The following GALNT18 variants were observed in gnomAD, a reference collection of about 807,000 sequenced individuals.
The protein encoded by GALNT18 is polypeptide N-acetylgalactosaminyltransferase 18, also known as GalNAc-transferase 18.
A neutral mutation model predicts 69.5 loss-of-function variants in GALNT18; 44 were observed. That is an observed-to-expected ratio of 0.63 (90% confidence interval 0.50 to 0.81). GALNT18 has a LOEUF of 0.81. Among genes scored for constraint, GALNT18 ranks in the 40% least tolerant of loss-of-function variants. The pLI, the probability that GALNT18 is intolerant of heterozygous loss-of-function variation, is 0.00. For missense variants in GALNT18, 715 were observed against 810.0 expected (o/e 0.88, Z 1.42); for synonymous variants, 364 against 318.2 (o/e 1.14, Z -1.53).
chr11:11,283,408 A>G (rs1305594003), intron 10 of GALNT18, among the ~76,000 whole-genome samples: 3 of 152,138 alleles, frequency 2.0e-5, no homozygotes, highest in East Asian at 3.9e-4. Context: ...CAGCCTCCCA[A>G]AGTGCTGGAA....
chr11:11,461,040 G>C lies in GALNT18; in HGVS notation c.236-12104C>G, dbSNP rs760274308. On this transcript the variant is annotated intron_variant, in intron 1 of 10. Transcript: ENST00000227756. The surrounding 1 kb of genome is among the most constrained non-coding windows in gnomAD (Gnocchi z 4.1). ...AGGTGGGCTAGGACTCAGGAAGGGT[G>C]GTGGGTCCCAGCAAAAGACCAGAGT... is the stretch of plus-strand genomic sequence containing the variant. Among the ~76,000 whole-genome samples the C allele has an allele frequency of 2.0e-5, 3 of 152,200 alleles. No homozygotes were observed. The highest frequency in any genetic ancestry group is 4.8e-5 in the African/African-American group (2 of 41,452).
At chr11:11,417,906 T>C (rs1267927919) in intron 3 of GALNT18, among the ~76,000 whole-genome samples, 15 of 152,240 alleles carry the variant, frequency 9.9e-5, no homozygotes, top group Non-Finnish European at 1.5e-5. Context: ...GTATCTCCTA[T>C]GAATGTCCTT....
At chr11:11,575,143 G>A (rs894016998) in intron 1 of GALNT18, among the ~76,000 whole-genome samples, 1 of 152,118 alleles carries the variant, frequency 6.6e-6, no homozygotes, top group Admixed American at 6.5e-5. Flanking sequence ...TTCCTGGCAG[G>A]GTATGGGGCA....
chr11:11,410,868 C>A (rs1854710926), intron 3 of GALNT18, among the ~76,000 whole-genome samples: 2 of 152,318 alleles, frequency 1.3e-5, no homozygotes, highest in Middle Eastern at 3.4e-3. Context: ...GTCACTGAGA[C>A]AACATCTCTC....
chr11:11,500,795 A>G lies in GALNT18; in HGVS notation c.236-51859T>C, dbSNP rs558575328. ...GATCTCCTTTTCATGTATTTTCTGTACAAATAAAGAAGGTAAAAAGGCCGG... is the reference window on the plus strand; with the variant it reads ...GATCTCCTTTTCATGTATTTTCTGTGCAAATAAAGAAGGTAAAAAGGCCGG... On this transcript the variant is annotated intron_variant, in intron 1 of 10. Transcript: ENST00000227756. This position sits in a 1 kb window ranked among gnomAD's most constrained non-coding sequence, Gnocchi z 5.0. Among the ~76,000 whole-genome samples, 1 of 152,290 alleles carries G rather than the reference A, an allele frequency of 6.6e-6. No homozygotes were observed. The highest frequency in any genetic ancestry group is 6.5e-5 in the Admixed American group (1 of 15,298).
intron 1 of GALNT18, among the ~76,000 whole-genome samples, chr11:11,522,536 C>T (rs1212963867): frequency 6.6e-6 from 1 of 152,180 alleles, no homozygotes; most frequent in Non-Finnish European, 1.5e-5. Flanking sequence ...TCAGCTGTCC[C>T]ACCACCACTC....
intron 1 of GALNT18, among the ~76,000 whole-genome samples, chr11:11,535,404 T>C (rs1014441546): frequency 2.0e-5 from 3 of 152,244 alleles, no homozygotes; most frequent in African/African-American, 4.8e-5. Flanking sequence ...GGTGTGAAGA[T>C]TATTTGAAAT....
chr11:11,389,771 C>T lies in GALNT18; in HGVS notation c.596-10507G>A, dbSNP rs1396021719. Among the ~76,000 whole-genome samples the T allele has an allele frequency of 6.6e-6, 1 of 152,134 alleles. No individual in the cohort carries two copies. Among genetic ancestry groups the T allele is most frequent in the Non-Finnish European group, 1.5e-5 (1 of 68,022 alleles). On this transcript the variant is annotated intron_variant, in intron 3 of 10. Coordinates refer to ENST00000227756, the MANE Select transcript of GALNT18 (RefSeq NM_198516.3). This position sits in a 1 kb window ranked among gnomAD's most constrained non-coding sequence, Gnocchi z 4.3. Reference sequence around the variant, plus strand: ...TAGCAGGTGATATCAGAGCTGAGAACAAGCTGTGTGGACGTCCCACTGTGC... The same window carrying T: ...TAGCAGGTGATATCAGAGCTGAGAATAAGCTGTGTGGACGTCCCACTGTGC...
intron 1 of GALNT18, among the ~76,000 whole-genome samples, chr11:11,525,961 C>A (rs1400055844): frequency 1.3e-5 from 2 of 152,088 alleles, no homozygotes; most frequent in Non-Finnish European, 2.9e-5. Flanking sequence ...GGTGTCACTG[C>A]AACATGCTAA....
chr11:11,467,219 C>A lies in GALNT18; in HGVS notation c.236-18283G>T, dbSNP rs78188042. ...GTTCTGCTGTCTCTCCACACTGACA[C>A]GCAGAAGCCACACTGAGGATCAGGG... On this transcript the variant is annotated intron_variant, in intron 1 of 10. Transcript: ENST00000227756. 2.6e-5 allele frequency among the ~76,000 whole-genome samples: 4 copies of A among 152,076 alleles called. No individual in the cohort carries two copies. In the South Asian group the frequency reaches 6.2e-4, roughly 24 times the overall value.
intron 8 of GALNT18, among the ~76,000 whole-genome samples, chr11:11,331,944 C>T (rs1428117589): frequency 1.3e-5 from 2 of 152,086 alleles, no homozygotes; most frequent in African/African-American, 2.4e-5. Context: ...TTATCATATT[C>T]GAAGTATTTT....
intron 1 of GALNT18, among the ~76,000 whole-genome samples, chr11:11,529,030 G>A (rs188068194): frequency 2.9e-4 from 44 of 152,316 alleles, no homozygotes; most frequent in Admixed American, 2.4e-3. Flanking sequence ...CTCCATGGTC[G>A]AATGACTAAA....
intron 1 of GALNT18, among the ~76,000 whole-genome samples, chr11:11,491,103 T>G (rs1244679040): frequency 6.6e-6 from 1 of 152,022 alleles, no homozygotes; most frequent in Non-Finnish European, 1.5e-5. Flanking sequence ...ATCACTTCTC[T>G]CCCTGGTCCA....
chr11:11,358,082 CCTA>C, intron 6 of GALNT18, among the ~76,000 whole-genome samples: 1 of 142,514 alleles, frequency 7.0e-6, no homozygotes, highest in Non-Finnish European at 1.6e-5. Flanking sequence ...GCCTCCATCT[CCTA>C]TGCCCATGTC....
chr11:11,540,491 C>T lies in GALNT18; in HGVS notation c.235+80868G>A, dbSNP rs1371144538. Among the ~76,000 whole-genome samples, 1 of 152,088 alleles carries T rather than the reference C, an allele frequency of 6.6e-6. No homozygotes were observed. The highest frequency in any genetic ancestry group is 2.4e-5 in the African/African-American group (1 of 41,400). On this transcript the variant is annotated intron_variant, in intron 1 of 10. Coordinates refer to ENST00000227756, the MANE Select transcript of GALNT18 (RefSeq NM_198516.3). The surrounding 1 kb of genome is among the most constrained non-coding windows in gnomAD (Gnocchi z 4.6). ...ACACGGCTGTTCCTCATTTCATGAC[C>T]AAGTTTCATTAGAAACTTTGGAATC...
At chr11:11,494,000 T>G (rs1335257075) in intron 1 of GALNT18, among the ~76,000 whole-genome samples, 1 of 152,136 alleles carries the variant, frequency 6.6e-6, no homozygotes, top group African/African-American at 2.4e-5. Flanking sequence ...ACACATTACC[T>G]AAGCCATCGG....
At chr11:11,445,607 G>A (rs148854157) in intron 2 of GALNT18, among the ~76,000 whole-genome samples, 34 of 152,338 alleles carry the variant, frequency 2.2e-4, no homozygotes, top group African/African-American at 7.9e-4. Context: ...AATCTTGGGC[G>A]TGCGTCTGGC....
intron 1 of GALNT18, among the ~76,000 whole-genome samples, chr11:11,512,669 C>T (rs1338061292): frequency 6.6e-6 from 1 of 152,166 alleles, no homozygotes; most frequent in East Asian, 1.9e-4. Flanking sequence ...GTTCTTCATC[C>T]AAATTGGCAG....
intron 9 of GALNT18, among the ~76,000 whole-genome samples, chr11:11,319,825 A>G (rs1201693254): frequency 1.3e-5 from 2 of 152,222 alleles, no homozygotes; most frequent in Admixed American, 1.3e-4. Context: ...TTTAAGCTAA[A>G]CAATTCCTAC....
Sources: allele counts gnomAD v4.1 joint callset (sites outside exome capture counted in the v4.1 genomes callset), GRCh38; gene constraint gnomAD v4.1.1; non-coding constraint Gnocchi (gnomAD v3.1); transcripts MANE v1.5; gene names NCBI Gene and HGNC (gene_info 2026-07-23, HGNC 2026-07-21).